Variants in CEP192 observed in about 807,000 individuals in gnomAD.
CEP192 encodes the protein centrosomal protein of 192 kDa.
In CEP192, 151 loss-of-function variants were observed where a neutral mutation model predicts 271.8. The observed-to-expected ratio is 0.56, with a 90% confidence interval of 0.49 to 0.64. CEP192 has a LOEUF of 0.64. Among genes scored for constraint, CEP192 ranks in the 30% least tolerant of loss-of-function variants. The pLI is 0.00. For missense variants in CEP192, 2,910 were observed against 3,020.5 expected (o/e 0.96, Z 0.86); for synonymous variants, 995 against 1,076.5 (o/e 0.92, Z 1.48).
intron 1 of CEP192, among the ~76,000 whole-genome samples, chr18:12,993,395 C>A (rs1011180383): frequency 3.9e-5 from 6 of 152,150 alleles, no homozygotes; most frequent in Admixed American, 3.9e-4. Flanking sequence ...TGCCCTTGCC[C>A]CAGGATGCCA....
In CEP192 at chr18:13,030,617, A is replaced by G. The variant is rs777822075; in HGVS notation, c.1534+9A>G. ...AGACTTCAGATCTGGTTGTAAGTAT[A>G]TGGATAAACATTTATTATAACATTT... On this transcript the variant is annotated intron_variant, in intron 11 of 44. Transcript: ENST00000506447. 6 of 1,576,526 alleles carry G rather than the reference A, an allele frequency of 3.8e-6. No homozygotes were observed. Among genetic ancestry groups the G allele is most frequent in the Non-Finnish European group, 5.2e-6 (6 of 1,150,028 alleles).
intron 11 of CEP192, among the ~76,000 whole-genome samples, chr18:13,034,876 T>G (rs2035834172): frequency 6.6e-6 from 1 of 151,270 alleles, no homozygotes; most frequent in South Asian, 2.1e-4. Flanking sequence ...GCCTTCCTCC[T>G]TGCCGACAGC....
chr18:13,049,978 C>T (rs879829428), intron 17 of CEP192, 87 bp downstream of exon 17: 14 of 1,112,772 alleles, frequency 1.3e-5, no homozygotes, highest in African/African-American at 3.2e-5. Flanking sequence ...GAAAAATTAT[C>T]TGTGCATTCG....
rs899576215 is a variant in CEP192, at chr18:13,092,497, C to T, written c.6224C>T (p.Pro2075Leu). Residue 2075 changes from proline (P) to leucine (L), a missense_variant, in exon 34 of 45, where the codon CCT (proline) becomes CTT (leucine). Coordinates refer to ENST00000506447, the MANE Select transcript of CEP192 (RefSeq NM_032142.4). ...ATTTCTAGCAGAGAATTCCTTCAGCCTTCTTCCAAAGCTAGCTTGGAATCT... is the reference window on the plus strand; with the variant it reads ...ATTTCTAGCAGAGAATTCCTTCAGCTTTCTTCCAAAGCTAGCTTGGAATCT... ...DCISSREFLQ[P>L]SSKASLESTS... is the part of the protein sequence containing the mutation. The T allele has an allele frequency of 3.1e-6, 5 of 1,607,822 alleles. No individual in the cohort carries two copies. The highest frequency in any genetic ancestry group is 4.2e-6 in the Non-Finnish European group (5 of 1,177,624).
rs1289350380 is a variant in CEP192 at position 13,018,481 on chromosome 18, C to G, written c.791C>G (p.Ala264Gly). Residue 264 changes from alanine (A) to glycine (G), a missense_variant and splice_region_variant, in exon 8 of 45, where the codon GCA (alanine) becomes GGA (glycine). Physicochemically the swap from Ala to Gly is moderately conservative, Grantham distance 60. Transcript: ENST00000506447. ...ACAGCTAAGATATTCTTTCAACAGGCAAATGAAAACGGTAGCTTAAACTGC... is the reference window on the plus strand; with the variant it reads ...ACAGCTAAGATATTCTTTCAACAGGGAAATGAAAACGGTAGCTTAAACTGC... ...FKLPTNGLRQ[A>G]NENGSLNCKF... is the part of the protein sequence containing the mutation. 1 of 1,512,318 alleles carries G rather than the reference C, an allele frequency of 6.6e-7. No individual in the cohort carries two copies. The highest frequency in any genetic ancestry group is 2.5e-5 in the East Asian group (1 of 40,432). 93.7% of individuals were successfully genotyped at this position (1,512,318 alleles called of 1,614,324 possible). A position where few individuals can be genotyped will look rare whatever the true frequency, so the allele number is the denominator to read the frequency against.
At chr18:13,057,809 G>T (rs2037194971) in intron 20 of CEP192, 76 bp downstream of exon 20, 4 of 1,429,990 alleles carry the variant, frequency 2.8e-6, no homozygotes, top group Non-Finnish European at 3.9e-6. Flanking sequence ...CATCTCTAGT[G>T]CTAGGTTCTC....
In CEP192 at chr18:13,052,872, GTTGAAGGA is replaced by G. The variant is rs748496245; in HGVS notation, c.3018-46_3018-39del. The G allele has an allele frequency of 2.4e-5, 35 of 1,440,690 alleles. No homozygotes were observed. In the African/African-American group the frequency reaches 4.9e-4, roughly 20 times the overall value. 89.2% of individuals were successfully genotyped at this position (1,440,690 alleles called of 1,614,324 possible). A position where few individuals can be genotyped will look rare whatever the true frequency, so the allele number is the denominator to read the frequency against. ...GAATGGTTTTTTGCTAATGTAGATA[GTTGAAGGA>G]CTGGAGAACTCCAGGTGTGAGCTAC... On this transcript the variant is annotated intron_variant, in intron 17 of 44. Coordinates refer to ENST00000506447, the MANE Select transcript of CEP192 (RefSeq NM_032142.4).
intron 30 of CEP192, among the ~76,000 whole-genome samples, chr18:13,083,160 G>A (rs1027780133): frequency 2.6e-5 from 4 of 152,188 alleles, no homozygotes; most frequent in African/African-American, 9.7e-5. Context: ...GAATTTGAAT[G>A]TTGGCCTGCC....
Position 13,117,638 on chromosome 18 carries a change from T to A in CEP192, c.7470T>A (p.Ser2490=). The change falls in exon 44 of 45, where the codon TCT becomes TCA. Residue 2490 remains serine (S), a synonymous_variant. Transcript: ENST00000506447. ...EPFYVKHSKY[S]LRAQHYINMP... ...TCTATGTCAAACATTCCAAGTACTC[T>A]TTGAGGTAAGTTTATCGCAGATCAC... 1.2e-6 allele frequency: 2 copies of A among 1,612,342 alleles called. No homozygotes were observed. Among genetic ancestry groups the A allele is most frequent in the Middle Eastern group, 3.3e-4 (2 of 6,058 alleles).
At chr18:13,116,544 G>C in intron 43 of CEP192, 41 bp downstream of exon 43, 1 of 1,523,010 alleles carries the variant, frequency 6.6e-7, no homozygotes, top group Non-Finnish European at 9.0e-7. Flanking sequence ...AAAAATACAT[G>C]CATTCAACTC....
At chr18:12,995,987 T>C (rs1441283305) in intron 1 of CEP192, among the ~76,000 whole-genome samples, 2 of 152,202 alleles carry the variant, frequency 1.3e-5, no homozygotes, top group Non-Finnish European at 2.9e-5. Flanking sequence ...ATCTGGGCCC[T>C]GGTTGGCCAT....
At chr18:13,029,132 T>C (rs2035472530) in intron 9 of CEP192, among the ~76,000 whole-genome samples, 2 of 152,176 alleles carry the variant, frequency 1.3e-5, no homozygotes, top group Non-Finnish European at 1.5e-5. Context: ...GAATAAGAAG[T>C]GCCACTTGGA....
rs140076549 is a variant in CEP192 at position 13,095,513 on chromosome 18, G to A, written c.6265G>A (p.Ala2089Thr). 1.9e-6 allele frequency: 3 copies of A among 1,605,902 alleles called. No homozygotes were observed. Among genetic ancestry groups the A allele is most frequent in the Non-Finnish European group, 2.5e-6 (3 of 1,177,258 alleles). Residue 2089 changes from alanine (A) to threonine (T), a missense_variant, in exon 35 of 45, where the codon GCT becomes ACT. Physicochemically the swap from Ala to Thr is moderately conservative, Grantham distance 58. Transcript: ENST00000506447. Reference sequence around the variant, plus strand: ...TAAATAATTTTTTAGCGACTTGGGAGCTTCTGGGAAACATGGTGGCAACGT... The same window carrying A: ...TAAATAATTTTTTAGCGACTTGGGAACTTCTGGGAAACATGGTGGCAACGT... Reference protein sequence around the residue: ...ASLESTSDLGASGKHGGNVSL... With the variant: ...ASLESTSDLGTSGKHGGNVSL...
At chr18:13,112,459 G>T (rs571424555) in intron 40 of CEP192, among the ~76,000 whole-genome samples, 2 of 152,198 alleles carry the variant, frequency 1.3e-5, no homozygotes, top group African/African-American at 4.8e-5. Context: ...CTTTCCAGGG[G>T]ATTAGCTGAG....
intron 11 of CEP192, among the ~76,000 whole-genome samples, chr18:13,034,463 T>C (rs1278358898): frequency 1.3e-5 from 2 of 152,142 alleles, no homozygotes; most frequent in African/African-American, 2.4e-5. Flanking sequence ...CCAAGTCATT[T>C]TAAATGAAAA....
chr18:13,116,281 T>A, intron 42 of CEP192, 96 bp from the exon 43 acceptor site: 1 of 1,155,258 alleles, frequency 8.7e-7, no homozygotes, highest in Non-Finnish European at 1.2e-6. Flanking sequence ...CAGGAAAACA[T>A]AAATTAATGC....
chr18:13,122,685 C>T (rs1283505361), intron 44 of CEP192, among the ~76,000 whole-genome samples: 1 of 152,194 alleles, frequency 6.6e-6, no homozygotes, highest in African/African-American at 2.4e-5. Flanking sequence ...GAGTTGGGGG[C>T]TGAGTGTGCA....
At chr18:13,106,852 C>G (rs2039980704) in intron 40 of CEP192, among the ~76,000 whole-genome samples, 1 of 152,206 alleles carries the variant, frequency 6.6e-6, no homozygotes, top group Non-Finnish European at 1.5e-5. Flanking sequence ...GTATGATTGA[C>G]TACGTTGCTT....
In CEP192 at chr18:13,105,067, T is replaced by C. The variant is rs751615582; in HGVS notation, c.7035T>C (p.His2345=). The C allele has an allele frequency of 1.4e-5, 23 of 1,613,116 alleles. No individual in the cohort carries two copies. Among genetic ancestry groups the C allele is most frequent in the Non-Finnish European group, 2.0e-5 (23 of 1,179,030 alleles). ...CTATTTCTGGTCTGCTGGAAAGCCA[T>C]GGGATCCAAAAAGTAGGTTTTGATA... The part of the protein sequence containing the change: ...CSPISGLLES[H]GIQKVSITFL... Residue 2345 remains histidine, a synonymous_variant, in exon 40 of 45, where the codon CAT becomes CAC. Transcript: ENST00000506447.
Sources: allele counts gnomAD v4.1 joint callset (sites outside exome capture counted in the v4.1 genomes callset), GRCh38; gene constraint gnomAD v4.1.1; transcripts MANE v1.5; gene names NCBI Gene and HGNC (gene_info 2026-07-23, HGNC 2026-07-21).